The following ZNF717 variants were observed in gnomAD, a reference collection of about 807,000 sequenced individuals.
The protein encoded by ZNF717 is krueppel-like factor X17.
In ZNF717, 9 loss-of-function variants were observed where a neutral mutation model predicts 13.8. That is an observed-to-expected ratio of 0.65 (90% CI 0.39 to 1.14). ZNF717 has a LOEUF of 1.14. ZNF717 is among the 50% of genes most tolerant of loss of function. The pLI is 0.01. For missense variants in ZNF717, 1,040 were observed against 1,080.7 expected (o/e 0.96, Z 0.53); for synonymous variants, 327 against 364.1 (o/e 0.90, Z 1.16).
intron 2 of ZNF717, among the ~76,000 whole-genome samples, chr3:75,768,450 A>G (rs1185409294): frequency 6.8e-6 from 1 of 146,848 alleles, no homozygotes; most frequent in African/African-American, 2.6e-5. Flanking sequence ...AGGCCACCAC[A>G]ACCTCATTCA....
intron 4 of ZNF717, among the ~76,000 whole-genome samples, chr3:75,720,062 A>C (rs1468250158): frequency 3.3e-5 from 5 of 151,954 alleles, no homozygotes; most frequent in Non-Finnish European, 7.4e-5. Flanking sequence ...TAAGAATGTA[A>C]ATTAGTTCAG....
intron 2 of ZNF717, among the ~76,000 whole-genome samples, chr3:75,750,704 T>C (rs1466053414): frequency 1.1e-4 from 17 of 150,622 alleles, no homozygotes; most frequent in Non-Finnish European, 2.2e-4. Flanking sequence ...GACCCTCACA[T>C]AGGACTCCAG....
intron 2 of ZNF717, among the ~76,000 whole-genome samples, chr3:75,765,624 C>T (rs1310983279): frequency 6.7e-6 from 1 of 149,974 alleles, no homozygotes; most frequent in Non-Finnish European, 1.5e-5. Context: ...ATGTTGCAGG[C>T]TGGTCTCCAC....
intron 2 of ZNF717, among the ~76,000 whole-genome samples, chr3:75,766,731 C>T (rs1422417698): frequency 6.6e-6 from 1 of 152,246 alleles, no homozygotes; most frequent in Non-Finnish European, 1.5e-5. Flanking sequence ...CCAAGACAGA[C>T]TGTATGTCCA....
At chr3:75,740,452 T>A (rs1220530791) in intron 4 of ZNF717, among the ~76,000 whole-genome samples, 1 of 151,978 alleles carries the variant, frequency 6.6e-6, no homozygotes, top group Non-Finnish European at 1.5e-5. Flanking sequence ...GAGGCTGGAG[T>A]GCAGTGTTGC....
intron 2 of ZNF717, among the ~76,000 whole-genome samples, chr3:75,756,629 T>A (rs74635593): frequency 0.015 from 717 of 48,598 alleles, 2 homozygotes; most frequent in Non-Finnish European, 0.028. Flanking sequence ...ATAGAAGATT[T>A]AAAAAAAATT....
intron 2 of ZNF717, among the ~76,000 whole-genome samples, chr3:75,764,775 A>ATC (rs1943298372): frequency 2.0e-5 from 3 of 152,002 alleles, no homozygotes; most frequent in Non-Finnish European, 4.4e-5. Flanking sequence ...TGAAACTGAA[A>ATC]CCCTTGTACA....
chr3:75,723,438 G>C (rs11128476), intron 4 of ZNF717, among the ~76,000 whole-genome samples: 54,077 of 148,658 alleles, frequency 0.36, 5,853 homozygotes, highest in Non-Finnish European at 0.39. Flanking sequence ...GGCAAGAGCT[G>C]TTCCAGTGTA....
In ZNF717 at chr3:75,730,497, A is replaced by T. The variant is rs1938466214; in HGVS notation, c.*116T>A. On this transcript the variant is annotated 3_prime_UTR_variant, in exon 6 of 6. Coordinates refer to the ZNF717 transcript ENST00000477374. ...AAATTTGGAAAAATAAAAGAACAAT[A>T]TGATGGCCAGAAGTGATACAGACTT... The T allele has an allele frequency of 8.8e-6, 5 of 566,894 alleles. No individual in the cohort carries two copies. In the East Asian group the frequency reaches 1.6e-4, roughly 18 times the overall value. The allele number at this position is 566,894 out of a possible 1,614,324, so 35.1% of individuals were successfully genotyped here.
In ZNF717 at chr3:75,742,958, T is replaced by C. The variant is rs534925528; in HGVS notation, c.58-1222A>G. Among the ~76,000 whole-genome samples, 345 of 152,364 alleles carry C rather than the reference T, an allele frequency of 2.3e-3. 1 individual carries two copies. Among genetic ancestry groups the C allele is most frequent in the Middle Eastern group, 0.01 (3 of 294 alleles). On this transcript the variant is annotated intron_variant, in intron 2 of 4. Coordinates refer to ENST00000652011, the MANE Select transcript of ZNF717 (RefSeq NM_001290208.3). Reference sequence around the variant, plus strand: ...CAATGATGAAACATGTATATCACAATAGTCCCATAAGATGATGATGAAACA... The same window carrying C: ...CAATGATGAAACATGTATATCACAACAGTCCCATAAGATGATGATGAAACA...
downstream of ZNF717, among the ~76,000 whole-genome samples, chr3:75,709,243 GCCCAACTCAGCCTC>G (rs1267047073): frequency 5.9e-5 from 9 of 152,050 alleles, no homozygotes; most frequent in South Asian, 4.2e-4. Flanking sequence ...CTAGTATTCT[GCCCAACTCAGCCTC>G]CCCAAGTGCT....
At chr3:75,784,166 G>C (rs1459620169) in intron 1 of ZNF717, among the ~76,000 whole-genome samples, 1 of 152,132 alleles carries the variant, frequency 6.6e-6, no homozygotes, top group East Asian at 1.9e-4. Context: ...AAACCAACCA[G>C]GCTCAGTCAA....
intron 2 of ZNF717, among the ~76,000 whole-genome samples, chr3:75,745,774 T>C (rs1941098865): frequency 6.6e-6 from 1 of 151,958 alleles, no homozygotes; most frequent in Non-Finnish European, 1.5e-5. Context: ...GGTTCATCCA[T>C]GTTGTTCAAA....
intron 5 of ZNF717, among the ~76,000 whole-genome samples, chr3:75,712,405 G>C (rs796994463): frequency 4.6e-5 from 7 of 152,326 alleles, no homozygotes; most frequent in African/African-American, 1.7e-4. Flanking sequence ...GTTTGTATTA[G>C]TGTATTTTTA....
chr3:75,735,635 T>TTAAA (rs1939084006), downstream of ZNF717, among the ~76,000 whole-genome samples: 1 of 79,844 alleles, frequency 1.3e-5, no homozygotes, highest in Admixed American at 1.3e-4. Context: ...ACTGTCTCAA[T>TTAAA]AAAAAAAAAA....
chr3:75,753,690 T>C (rs796728785), intron 2 of ZNF717, among the ~76,000 whole-genome samples: 2 of 77,542 alleles, frequency 2.6e-5, no homozygotes, highest in African/African-American at 4.4e-5. Context: ...GGTCTGAATG[T>C]TTGTCCCTCA....
downstream of ZNF717, among the ~76,000 whole-genome samples, chr3:75,706,709 T>A (rs1485949561): frequency 6.6e-6 from 1 of 152,310 alleles, no homozygotes; most frequent in Non-Finnish European, 1.5e-5. Context: ...ACTTCCTACC[T>A]CTGCTCCCAT....
intron 4 of ZNF717, among the ~76,000 whole-genome samples, chr3:75,740,866 T>C (rs1407689291): frequency 6.6e-6 from 1 of 150,684 alleles, no homozygotes; most frequent in Non-Finnish European, 1.5e-5. Context: ...AGCTATAGCT[T>C]AAAAAGAAAC....
intron 2 of ZNF717, among the ~76,000 whole-genome samples, chr3:75,759,693 T>C (rs199899343): frequency 0.055 from 4,919 of 88,808 alleles, no homozygotes; most frequent in Admixed American, 0.084. Context: ...CTCAGGCTCC[T>C]GAGTAGCTGG....
Sources: gnomAD v4.1 joint callset for allele counts (sites outside exome capture counted in the v4.1 genomes callset) on GRCh38, gnomAD v4.1.1 for gene constraint, MANE v1.5 for transcripts, NCBI Gene and HGNC (gene_info 2026-07-23, HGNC 2026-07-21) for gene names.